The following NEK10 variants were observed in gnomAD, a reference collection of about 807,000 sequenced individuals.
NEK10 encodes serine/threonine-protein kinase Nek10.
A neutral mutation model predicts 159.8 loss-of-function variants in NEK10; 122 were observed. That is an observed-to-expected ratio of 0.76 (90% CI 0.66 to 0.89). The LOEUF is 0.89. Among genes scored for constraint, NEK10 ranks in the 40% least tolerant of loss-of-function variants. The pLI is 0.00. For missense variants in NEK10, 1,342 were observed against 1,323.1 expected (o/e 1.01, Z -0.22); for synonymous variants, 466 against 457.1 (o/e 1.02, Z -0.25).
At chr3:27,157,337 G>A (rs146717204) in intron 30 of NEK10, among the ~76,000 whole-genome samples, 1 of 152,142 alleles carries the variant, frequency 6.6e-6, no homozygotes, top group East Asian at 1.9e-4. Flanking sequence ...AAATTATGAT[G>A]AATGGTCAAA....
At chr3:27,289,583 C>A (rs1422886828) in intron 19 of NEK10, among the ~76,000 whole-genome samples, 1 of 152,162 alleles carries the variant, frequency 6.6e-6, no homozygotes, top group Non-Finnish European at 1.5e-5. Flanking sequence ...ACCAGGTAAC[C>A]AACCAGAACC....
chr3:27,335,918 A>T (rs751896499), intron 5 of NEK10, among the ~76,000 whole-genome samples: 2 of 152,208 alleles, frequency 1.3e-5, no homozygotes, highest in East Asian at 3.8e-4. Context: ...AAGTAGAAAG[A>T]TTTTAAACAA....
intron 25 of NEK10, among the ~76,000 whole-genome samples, chr3:27,196,624 G>A (rs1282876359): frequency 6.6e-6 from 1 of 152,124 alleles, no homozygotes; most frequent in Non-Finnish European, 1.5e-5. Context: ...AAGAGTCCTG[G>A]GTAGCCATAG....
In NEK10 at chr3:27,108,848, A is replaced by C. The variant is rs1479778457; in HGVS notation, c.*2424T>G. Among the ~76,000 whole-genome samples, 1 of 152,202 alleles carries C rather than the reference A, an allele frequency of 6.6e-6. No individual in the cohort carries two copies. The highest frequency in any genetic ancestry group is 1.5e-5 in the Non-Finnish European group (1 of 68,030). On this transcript the variant is annotated 3_prime_UTR_variant, in exon 36 of 36. Coordinates refer to ENST00000691995, the MANE Select transcript of NEK10 (RefSeq NM_001394966.1). ...CTGTTGGGATGTGACTCTATGTACA[A>C]AATGGTGCTTTTGCCAGAGCCTGAC...
At chr3:27,194,522 T>C (rs1329377322) in intron 25 of NEK10, 3 of 152,202 alleles carry the variant, frequency 2.0e-5, no homozygotes, top group African/African-American at 7.2e-5. Context: ...CTAAAAAAAT[T>C]GAGGATATTC....
Position 27,304,598 on chromosome 3 carries a change from A to G in NEK10, c.1028+149T>C, listed in dbSNP as rs2044090756. Reference sequence around the variant, plus strand: ...CATTGATTTAGAACATGCTTGTGACAAGTCTAGATGACTTTGGAAAGCATG... The same window carrying G: ...CATTGATTTAGAACATGCTTGTGACGAGTCTAGATGACTTTGGAAAGCATG... On this transcript the variant is annotated intron_variant, in intron 12 of 35. Transcript: ENST00000691995. The G allele has an allele frequency of 4.8e-6, 3 of 618,910 alleles. No individual in the cohort carries two copies. In the Admixed American group the frequency reaches 8.5e-5, roughly 17 times the overall value. 38.3% of individuals were successfully genotyped at this position (618,910 alleles called of 1,614,324 possible).
intron 32 of NEK10, among the ~76,000 whole-genome samples, chr3:27,123,394 G>C (rs1276135046): frequency 6.6e-6 from 1 of 152,032 alleles, no homozygotes; most frequent in Non-Finnish European, 1.5e-5. Flanking sequence ...TCCAGGTAGG[G>C]GGAACTTGGA....
At chr3:27,162,827 T>C in intron 29 of NEK10, 89 bp from the exon 30 acceptor site, 1 of 1,546,970 alleles carries the variant, frequency 6.5e-7, no homozygotes, top group Non-Finnish European at 8.8e-7. Context: ...GTCTACATTA[T>C]AAAGATTAAT....
chr3:27,283,111 A>C (rs183502580), intron 22 of NEK10, among the ~76,000 whole-genome samples: 14 of 152,214 alleles, frequency 9.2e-5, no homozygotes, highest in Non-Finnish European at 1.5e-4. Context: ...TACTTACGAA[A>C]ATTTGGACAG....
At chr3:27,295,830 G>A (rs1238774444) in intron 14 of NEK10, 140 bp from the exon 15 acceptor site, 9 of 1,151,808 alleles carry the variant, frequency 7.8e-6, no homozygotes, top group African/African-American at 6.3e-5. Context: ...AAACATTACA[G>A]GACAATATTT....
chr3:27,226,193 G>A (rs540877622), intron 23 of NEK10, among the ~76,000 whole-genome samples: 3 of 144,504 alleles, frequency 2.1e-5, no homozygotes, highest in East Asian at 1.9e-4. Flanking sequence ...CACTACGCCC[G>A]GCTATTTTTT....
intron 22 of NEK10, among the ~76,000 whole-genome samples, chr3:27,268,669 T>A (rs910492475): frequency 8.5e-5 from 13 of 152,336 alleles, no homozygotes; most frequent in African/African-American, 2.9e-4. Flanking sequence ...ATACACCTCA[T>A]CACTCAAGAG....
At chr3:27,280,095 GAAAAAAAA>G (rs1203824501) in intron 22 of NEK10, among the ~76,000 whole-genome samples, 3 of 69,466 alleles carry the variant, frequency 4.3e-5, no homozygotes, top group Admixed American at 1.6e-4. Flanking sequence ...CCCTAAAATG[GAAAAAAAA>G]AAAAAAAAAA....
chr3:27,142,595 T>C (rs1160650068), intron 30 of NEK10, among the ~76,000 whole-genome samples: 1 of 152,098 alleles, frequency 6.6e-6, no homozygotes, highest in Non-Finnish European at 1.5e-5. Flanking sequence ...AACATGAATA[T>C]AGTTATTGCT....
chr3:27,174,169 T>A (rs1431856008), intron 28 of NEK10, among the ~76,000 whole-genome samples: 1 of 152,196 alleles, frequency 6.6e-6, no homozygotes, highest in Non-Finnish European at 1.5e-5. Context: ...TGTCTCCAAG[T>A]TAGATATCTT....
chr3:27,204,837 G>A (rs1950389009), intron 23 of NEK10, among the ~76,000 whole-genome samples: 1 of 141,308 alleles, frequency 7.1e-6, no homozygotes, highest in Non-Finnish European at 1.6e-5. Flanking sequence ...TAATGGGATG[G>A]CTGGGTCAAA....
rs77952559 is a variant in NEK10 at position 27,367,870 on chromosome 3, G to A, written c.-38+1355C>T. Among the ~76,000 whole-genome samples the A allele has an allele frequency of 2.2e-3, 340 of 152,288 alleles. 7 individuals are homozygous for A. In the East Asian group the frequency reaches 0.055, roughly 25 times the overall value. On this transcript the variant is annotated intron_variant, in intron 1 of 35. Transcript: ENST00000691995. ...GAGATAATTACACACAGGAGAGAAT[G>A]TGACATATTCTGGGAACAATCAAGA...
chr3:27,203,922 TGA>T (rs1470038448), intron 23 of NEK10, among the ~76,000 whole-genome samples: 1 of 152,168 alleles, frequency 6.6e-6, no homozygotes, highest in Non-Finnish European at 1.5e-5. Flanking sequence ...GAATTGGGGC[TGA>T]GACTTCCGCA....
chr3:27,169,481 C>T (rs897938468), intron 29 of NEK10, among the ~76,000 whole-genome samples: 6 of 152,138 alleles, frequency 3.9e-5, no homozygotes, highest in African/African-American at 1.4e-4. Flanking sequence ...TCTGATAGAT[C>T]ATACACCCTG....
Sources: allele counts gnomAD v4.1 joint callset (sites outside exome capture counted in the v4.1 genomes callset), GRCh38; gene constraint gnomAD v4.1.1; transcripts MANE v1.5; gene names NCBI Gene and HGNC (gene_info 2026-07-23, HGNC 2026-07-21).